ARHGEF3: variants seen among roughly 807,000 people sequenced by gnomAD.
ARHGEF3 encodes the protein Rho guanine nucleotide exchange factor 3, also known as 59.8 kDA protein.
In ARHGEF3, 28 loss-of-function variants were observed where a neutral mutation model predicts 63.2. The ratio of observed to expected loss-of-function variants is 0.44; its 90% CI spans 0.33 to 0.61. ARHGEF3 has a LOEUF of 0.61. ARHGEF3 is among the 20% of genes least tolerant of loss of function. ARHGEF3 has a pLI of 0.03. For synonymous variants in ARHGEF3, 266 were observed against 254.2 expected, an observed-to-expected ratio of 1.05 and a Z score of -0.44; for missense variants, 533 against 659.3, an observed-to-expected ratio of 0.81 and a Z score of 2.10.
At chr3:57,042,688 A>AT (rs1560156283) in intron 1 of ARHGEF3, among the ~76,000 whole-genome samples, 3 of 8,860 alleles carry the variant, frequency 3.4e-4, no homozygotes, top group Non-Finnish European at 5.7e-4. Context: ...ATATATATAT[A>AT]TATATATATA....
intron 2 of ARHGEF3, among the ~76,000 whole-genome samples, chr3:56,767,189 A>G (rs2035748161): frequency 6.6e-6 from 1 of 152,056 alleles, no homozygotes; most frequent in Non-Finnish European, 1.5e-5. Context: ...CTACTTAACG[A>G]CATGAAAAAT....
intron 1 of ARHGEF3, among the ~76,000 whole-genome samples, chr3:57,042,998 A>T (rs998196949): frequency 1.4e-5 from 2 of 146,500 alleles, no homozygotes; most frequent in Non-Finnish European, 3.0e-5. Context: ...CGCCCAGCCC[A>T]TAAATATATT....
At chr3:56,855,308 G>C (rs1284404946) in intron 4 of ARHGEF3, among the ~76,000 whole-genome samples, 1 of 152,204 alleles carries the variant, frequency 6.6e-6, no homozygotes, top group African/African-American at 2.4e-5. Flanking sequence ...AAAAGTGGAA[G>C]AGCAGGAATT....
intron 4 of ARHGEF3, among the ~76,000 whole-genome samples, chr3:56,872,073 C>T (rs1456558093): frequency 6.6e-6 from 1 of 152,218 alleles, no homozygotes; most frequent in East Asian, 1.9e-4. Context: ...TTAAGAAGCA[C>T]ATGCTCTAAC....
chr3:57,069,413 T>A (rs1312443001), intron 1 of ARHGEF3, among the ~76,000 whole-genome samples: 3 of 116,936 alleles, frequency 2.6e-5, no homozygotes, highest in Non-Finnish European at 5.6e-5. Flanking sequence ...ACACACACAT[T>A]GTTTGTTTAA....
At position 56,808,051 on chromosome 3, in the gene ARHGEF3, GA is replaced by G. The variant is rs549783733; in HGVS notation, c.193-34236del. On this transcript the variant is annotated intron_variant, in intron 4 of 12. Coordinates refer to the ARHGEF3 transcript ENST00000338458. The stretch of plus-strand genomic sequence containing the variant: ...AGGCAGGAGAATCACTTGAACCTGG[GA>G]GGCAGAGGTTGCAGTGAGCCGAGAT... 2.6e-3 allele frequency among the ~76,000 whole-genome samples: 392 copies of G among 151,932 alleles called. 2 individuals carry two copies. The highest frequency in any genetic ancestry group is 3.5e-3 in the Non-Finnish European group (236 of 67,986).
In ARHGEF3 at chr3:56,755,131, A is replaced by G; in HGVS notation, c.225T>C (p.Ser75=). The change falls in exon 3 of 10, where the codon AGT becomes AGC. Residue 75 remains serine (S), a synonymous_variant. Transcript: ENST00000296315. ...GGGCGAGGATGTCAGGGCGGCTCTCACTGCGGAAGCTAATGGAGCGCTAAA... is the reference window on the plus strand; with the variant it reads ...GGGCGAGGATGTCAGGGCGGCTCTCGCTGCGGAAGCTAATGGAGCGCTAAA... ...QTLQRSISFR[S]ESRPDILAPR... The G allele has an allele frequency of 3.1e-6, 5 of 1,613,730 alleles. No individual in the cohort carries two copies. Among genetic ancestry groups the G allele is most frequent in the Non-Finnish European group, 4.2e-6 (5 of 1,180,016 alleles).
intron 2 of ARHGEF3, among the ~76,000 whole-genome samples, chr3:56,978,199 C>G (rs992825930): frequency 6.6e-6 from 1 of 152,214 alleles, no homozygotes; most frequent in Non-Finnish European, 1.5e-5. Context: ...GACAAAACAC[C>G]TTTTAACACA....
intron 8 of ARHGEF3, among the ~76,000 whole-genome samples, chr3:56,735,957 C>T (rs1280855499): frequency 5.9e-5 from 9 of 152,042 alleles, no homozygotes; most frequent in Non-Finnish European, 1.3e-4. Flanking sequence ...CTAGTTCTAG[C>T]TTTCATTCTA....
intron 2 of ARHGEF3, among the ~76,000 whole-genome samples, chr3:56,987,679 T>C (rs1277906294): frequency 6.6e-6 from 1 of 151,944 alleles, no homozygotes; most frequent in East Asian, 1.9e-4. Flanking sequence ...AGAGTTGATC[T>C]AGAAGGAAGG....
At chr3:56,741,184 C>CCT (rs754074079) in intron 7 of ARHGEF3, among the ~76,000 whole-genome samples, 4 of 128,872 alleles carry the variant, frequency 3.1e-5, no homozygotes, top group South Asian at 2.4e-4. Flanking sequence ...TGCTTTGGTT[C>CCT]TTTTTTTTTT....
chr3:56,892,610 G>T (rs2041160110), intron 3 of ARHGEF3, among the ~76,000 whole-genome samples: 1 of 152,170 alleles, frequency 6.6e-6, no homozygotes, highest in South Asian at 2.1e-4. Flanking sequence ...GCAGTTTAGG[G>T]AATGTCCAAA....
At chr3:57,009,019 C>CTA (rs1383037113) in intron 2 of ARHGEF3, among the ~76,000 whole-genome samples, 4 of 152,210 alleles carry the variant, frequency 2.6e-5, no homozygotes, top group African/African-American at 9.6e-5. Context: ...GCCCCATGGG[C>CTA]TAGCATTCTC....
At chr3:56,753,618 C>G (rs577429718) in intron 3 of ARHGEF3, 52 bp from the exon 4 acceptor site, 1 of 1,542,048 alleles carries the variant, frequency 6.5e-7, no homozygotes, top group African/African-American at 1.4e-5. Flanking sequence ...TTTACAAGAC[C>G]ATATTCAAAT....
chr3:57,026,898 G>C (rs1703499334), intron 2 of ARHGEF3, among the ~76,000 whole-genome samples: 1 of 152,216 alleles, frequency 6.6e-6, no homozygotes. Context: ...CTGCTTGAAG[G>C]CAAGGTCCAT....
intron 3 of ARHGEF3, among the ~76,000 whole-genome samples, chr3:56,929,483 T>C (rs1365641981): frequency 2.6e-5 from 4 of 152,182 alleles, no homozygotes; most frequent in African/African-American, 9.7e-5. Context: ...ACACATCACC[T>C]GGGGATCTCA....
intron 4 of ARHGEF3, among the ~76,000 whole-genome samples, chr3:56,836,987 T>C (rs1381291783): frequency 6.6e-6 from 1 of 152,134 alleles, no homozygotes; most frequent in Non-Finnish European, 1.5e-5. Flanking sequence ...TCAGTCTGCA[T>C]TACGTAATCT....
Position 56,833,495 on chromosome 3 carries a change from A to G in ARHGEF3, c.192+48797T>C, listed in dbSNP as rs146276925. On this transcript the variant is annotated intron_variant, in intron 4 of 12. Coordinates refer to the ARHGEF3 transcript ENST00000338458. ...GTAAATATAAATATTTTCTCCACTT[A>G]GCATTGTTTTTGAGCTCCCTCCATG... Among the ~76,000 whole-genome samples the G allele has an allele frequency of 1.6e-3, 249 of 152,310 alleles. 1 individual carries two copies. Among genetic ancestry groups the G allele is most frequent in the African/African-American group, 5.8e-3 (240 of 41,570 alleles).
intron 7 of ARHGEF3, among the ~76,000 whole-genome samples, chr3:56,738,880 C>A (rs2033819703): frequency 6.6e-6 from 1 of 152,048 alleles, no homozygotes; most frequent in African/African-American, 2.4e-5. Context: ...CACTTGAGGT[C>A]AGGAGTTCCA....
Sources: allele counts gnomAD v4.1 joint callset (sites outside exome capture counted in the v4.1 genomes callset), GRCh38; gene constraint gnomAD v4.1.1; transcripts MANE v1.5; gene names NCBI Gene and HGNC (gene_info 2026-07-23, HGNC 2026-07-21).